The following GDPD5 variants were observed in gnomAD, a reference collection of about 807,000 sequenced individuals.
GDPD5 encodes the protein glycerophosphodiester phosphodiesterase domain containing 5.
A neutral mutation model predicts 75.1 loss-of-function variants in GDPD5; 48 were observed. The ratio of observed to expected loss-of-function variants is 0.64; its 90% CI spans 0.51 to 0.81. The LOEUF (loss-of-function observed/expected upper bound fraction) is 0.81. Among genes scored for constraint, GDPD5 ranks in the 40% least tolerant of loss-of-function variants. The pLI, the probability that GDPD5 is intolerant of heterozygous loss-of-function variation, is 0.00. For missense variants in GDPD5, 706 were observed against 822.6 expected (o/e 0.86, Z 1.73); for synonymous variants, 336 against 339.0 (o/e 0.99, Z 0.10).
chr11:75,436,003 CAA>C (rs1015997782), intron 16 of GDPD5, among the ~76,000 whole-genome samples: 1 of 152,164 alleles, frequency 6.6e-6, no homozygotes, highest in Non-Finnish European at 1.5e-5. Context: ...CAGTCTGGCT[CAA>C]GTCTTCTCAT....
At chr11:75,485,474 G>A (rs1274787263) in intron 2 of GDPD5, 1 of 151,088 alleles carries the variant, frequency 6.6e-6, no homozygotes, top group East Asian at 2.0e-4. Context: ...CAATTTTACT[G>A]TAAACCTAAA....
At chr11:75,507,677 A>C (rs1950430056) in intron 1 of GDPD5, among the ~76,000 whole-genome samples, 1 of 152,268 alleles carries the variant, frequency 6.6e-6, no homozygotes, top group Non-Finnish European at 1.5e-5. Context: ...ACAGTGGGTC[A>C]ATGCTTCACA....
intron 3 of GDPD5, among the ~76,000 whole-genome samples, chr11:75,467,774 C>G (rs1949553146): frequency 6.6e-6 from 1 of 152,086 alleles, no homozygotes; most frequent in Non-Finnish European, 1.5e-5. Context: ...ACCCAGAGGC[C>G]ACTGCATCTC....
intron 1 of GDPD5, among the ~76,000 whole-genome samples, chr11:75,521,821 T>C (rs1037671419): frequency 4.0e-5 from 6 of 151,742 alleles, no homozygotes; most frequent in African/African-American, 1.5e-4. Flanking sequence ...GGGGCTGTGA[T>C]GGGGCCACAT....
intron 6 of GDPD5, chr11:75,455,264 G>C (rs1388790572): frequency 2.2e-6 from 1 of 454,606 alleles, no homozygotes; most frequent in Non-Finnish European, 4.4e-6. Flanking sequence ...CCCACCCGGG[G>C]TGCCAGCTGG....
chr11:75,488,335 T>C (rs1472632722), intron 2 of GDPD5, among the ~76,000 whole-genome samples: 3 of 152,100 alleles, frequency 2.0e-5, no homozygotes, highest in Admixed American at 6.5e-5. Flanking sequence ...CACCCTCAGT[T>C]TGACTTGTGC....
intron 6 of GDPD5, among the ~76,000 whole-genome samples, chr11:75,454,516 T>G (rs1420600589): frequency 6.6e-6 from 1 of 152,252 alleles, no homozygotes; most frequent in East Asian, 1.9e-4. Flanking sequence ...CACATCGTCC[T>G]GGCAAAAGAC....
intron 2 of GDPD5, among the ~76,000 whole-genome samples, chr11:75,484,191 C>T (rs1266803940): frequency 1.3e-5 from 2 of 152,098 alleles, no homozygotes; most frequent in African/African-American, 2.4e-5. Context: ...CTGTGCGCCA[C>T]CATCCAACCC....
At chr11:75,438,070 T>A (rs1358200456) in intron 15 of GDPD5, 1 of 152,062 alleles carries the variant, frequency 6.6e-6, no homozygotes, top group Non-Finnish European at 1.5e-5. Flanking sequence ...GACAGACAGA[T>A]GGACAGGCGG....
intron 16 of GDPD5, among the ~76,000 whole-genome samples, 155 bp from the exon 17 acceptor site, chr11:75,435,810 C>T (rs974537021): frequency 1.3e-5 from 2 of 152,126 alleles, no homozygotes; most frequent in Non-Finnish European, 2.9e-5. Flanking sequence ...GCACTCAAGG[C>T]CCCTTTGGTG....
chr11:75,523,234 C>T (rs559551217), intron 1 of GDPD5, among the ~76,000 whole-genome samples: 1 of 152,202 alleles, frequency 6.6e-6, no homozygotes, highest in Non-Finnish European at 1.5e-5. Context: ...CAGTGCCACT[C>T]AGCTAGTGGG....
intron 1 of GDPD5, among the ~76,000 whole-genome samples, chr11:75,512,281 G>GACACACACACAT (rs1555017332): frequency 8.1e-6 from 1 of 123,100 alleles, no homozygotes; most frequent in Non-Finnish European, 1.7e-5. Context: ...AATTGGGAAG[G>GACACACACACAT]ACACACACAC....
At chr11:75,486,468 A>C (rs2135403713) in intron 2 of GDPD5, among the ~76,000 whole-genome samples, 1 of 152,260 alleles carries the variant, frequency 6.6e-6, no homozygotes, top group East Asian at 1.9e-4. Context: ...GATGACTCAC[A>C]AATAGTGGTG....
At chr11:75,469,897 C>T (rs1223044989) in intron 3 of GDPD5, among the ~76,000 whole-genome samples, 1 of 152,220 alleles carries the variant, frequency 6.6e-6, no homozygotes, top group Admixed American at 6.5e-5. Context: ...TACATCCTCA[C>T]CACCCTTCTC....
At position 75,461,327 on chromosome 11, in the gene GDPD5, T is replaced by C. The variant is rs1453727970; in HGVS notation, c.221+1459A>G. Among the ~76,000 whole-genome samples the C allele has an allele frequency of 2.0e-5, 3 of 152,306 alleles. No homozygotes were observed. The South Asian group carries it at 6.2e-4, about 32-fold the overall frequency. On this transcript the variant is annotated intron_variant, in intron 4 of 16. Coordinates refer to ENST00000336898, the MANE Select transcript of GDPD5 (RefSeq NM_030792.8). ...AAAGATGAATAATTGATTTATGGCATTTAATAAAGGCCAGAGGCCACCTCT... is the reference window on the plus strand; with the variant it reads ...AAAGATGAATAATTGATTTATGGCACTTAATAAAGGCCAGAGGCCACCTCT...
At chr11:75,452,253 G>A (rs943714611) in intron 6 of GDPD5, 8 of 152,248 alleles carry the variant, frequency 5.3e-5, no homozygotes, top group South Asian at 2.1e-4. Flanking sequence ...CTTGAATCAC[G>A]GTCTTCAGTC....
At chr11:75,514,388 C>T (rs1042729202) in intron 1 of GDPD5, among the ~76,000 whole-genome samples, 3 of 152,236 alleles carry the variant, frequency 2.0e-5, no homozygotes, top group African/African-American at 7.2e-5. Context: ...TGCAGGCCCA[C>T]GGTGGCCCGA....
At chr11:75,447,430 C>T in intron 9 of GDPD5, among the ~76,000 whole-genome samples, 1 of 152,032 alleles carries the variant, frequency 6.6e-6, no homozygotes, top group East Asian at 1.9e-4. Context: ...ACAGATACAT[C>T]CTGAAGTGCC....
At chr11:75,468,681 C>CA (rs1251204503) in intron 3 of GDPD5, among the ~76,000 whole-genome samples, 1 of 151,172 alleles carries the variant, frequency 6.6e-6, no homozygotes, top group Non-Finnish European at 1.5e-5. Context: ...CCCCCGACGC[C>CA]CCCCCCCCGG....
Sources: gnomAD v4.1 joint callset for allele counts (sites outside exome capture counted in the v4.1 genomes callset) on GRCh38, gnomAD v4.1.1 for gene constraint, MANE v1.5 for transcripts, NCBI Gene and HGNC (gene_info 2026-07-23, HGNC 2026-07-21) for gene names.